Variants in UTS2 observed in about 807,000 individuals in gnomAD.
UTS2 encodes urotensin-2.
In UTS2, 10 loss-of-function variants were observed where a neutral mutation model predicts 12.6. The ratio of observed to expected loss-of-function variants is 0.80; its 90% CI spans 0.49 to 1.35. The LOEUF is 1.35. Among genes scored for constraint, UTS2 ranks in the 40% most tolerant of loss-of-function variants. UTS2 has a pLI of 0.00. For synonymous variants in UTS2, 52 were observed against 50.0 expected, an observed-to-expected ratio of 1.04 and a Z score of -0.17; for missense variants, 142 against 143.2, an observed-to-expected ratio of 0.99 and a Z score of 0.04.
the UTS2 span, among the ~76,000 whole-genome samples, chr1:7,880,968 G>C: frequency 6.6e-6 from 1 of 152,144 alleles, no homozygotes; most frequent in Non-Finnish European, 1.5e-5. Context: ...GTGGGATTTA[G>C]CCCAGGGATT....
chr1:7,852,066 T>G (rs1232712216), intron 1 of UTS2, among the ~76,000 whole-genome samples: 1 of 152,154 alleles, frequency 6.6e-6, no homozygotes, highest in African/African-American at 2.4e-5. Flanking sequence ...CTGATGACAG[T>G]GCTTGACGAT....
In UTS2 at chr1:7,848,684, TAA is replaced by T. The variant is rs374196773; in HGVS notation, c.259-804_259-803del. On this transcript the variant is annotated intron_variant, in intron 3 of 3. Coordinates refer to ENST00000361696, the MANE Select transcript of UTS2 (RefSeq NM_006786.4). ...ACAGGTGCATGCCACCACGCCTGGC[TAA>T]GTTTTGTATTTTTTGTAGAGACGGG... is the stretch of plus-strand genomic sequence containing the variant. 9.4e-4 allele frequency among the ~76,000 whole-genome samples: 143 copies of T among 152,112 alleles called. 1 individual carries two copies. In the East Asian group the frequency reaches 0.025, roughly 26 times the overall value.
the UTS2 span, among the ~76,000 whole-genome samples, chr1:7,872,073 G>A: frequency 2.0e-5 from 3 of 151,946 alleles, no homozygotes; most frequent in Non-Finnish European, 4.4e-5. Context: ...AGGCCGAGGC[G>A]GGTGGATCAT....
At chr1:7,893,269 T>A in the UTS2 span, among the ~76,000 whole-genome samples, 1 of 152,224 alleles carries the variant, frequency 6.6e-6, no homozygotes, top group East Asian at 1.9e-4. Flanking sequence ...TACCAGCACT[T>A]TGAGAGGTAG....
the UTS2 span, among the ~76,000 whole-genome samples, chr1:7,890,360 A>G: frequency 6.6e-6 from 1 of 151,988 alleles, no homozygotes; most frequent in South Asian, 2.1e-4. Flanking sequence ...AGAAGTGCCT[A>G]CCCTCTCCCT....
chr1:7,892,255 G>C, the UTS2 span, among the ~76,000 whole-genome samples: 4 of 152,208 alleles, frequency 2.6e-5, no homozygotes, highest in South Asian at 8.3e-4. Context: ...TGGAGGTCAG[G>C]AGTCTGAAAT....
At chr1:7,909,772 C>A in the UTS2 span, among the ~76,000 whole-genome samples, 2 of 152,064 alleles carry the variant, frequency 1.3e-5, no homozygotes, top group Admixed American at 1.3e-4. Flanking sequence ...AGGCGCCCAC[C>A]ACCACGCCCA....
chr1:7,879,560 G>A, the UTS2 span, among the ~76,000 whole-genome samples: 1 of 152,140 alleles, frequency 6.6e-6, no homozygotes, highest in Non-Finnish European at 1.5e-5. Flanking sequence ...ATCCAATATG[G>A]AGACACCCCA....
At chr1:7,880,991 C>T in the UTS2 span, among the ~76,000 whole-genome samples, 416 of 152,202 alleles carry the variant, frequency 2.7e-3, 11 homozygotes, top group East Asian at 0.045. Context: ...GCAAAGATGG[C>T]GCAACATACA....
At chr1:7,879,717 G>C in the UTS2 span, among the ~76,000 whole-genome samples, 1 of 151,288 alleles carries the variant, frequency 6.6e-6, no homozygotes, top group Admixed American at 6.6e-5. Context: ...CTCCGGCCTG[G>C]ATGATAGAGC....
upstream of UTS2, chr1:7,853,155 A>G (rs1043628233): frequency 5.4e-6 from 8 of 1,481,562 alleles, no homozygotes; most frequent in African/African-American, 1.0e-4. Context: ...TTTATTGGCT[A>G]TGGAGGCTAA....
chr1:7,858,028 G>T (rs1638349897), upstream of UTS2, among the ~76,000 whole-genome samples: 1 of 152,158 alleles, frequency 6.6e-6, no homozygotes, highest in Admixed American at 6.6e-5. Context: ...ATTTCAAAAT[G>T]AGGTGGGAGA....
chr1:7,911,672 GCA>G, the UTS2 span, among the ~76,000 whole-genome samples: 4 of 152,098 alleles, frequency 2.6e-5, no homozygotes, highest in African/African-American at 9.7e-5. Flanking sequence ...GGAGGCCTAG[GCA>G]GTGGATCACC....
chr1:7,859,685 A>C, the UTS2 span, among the ~76,000 whole-genome samples: 3 of 152,166 alleles, frequency 2.0e-5, no homozygotes, highest in African/African-American at 7.2e-5. Flanking sequence ...CATATCGAGG[A>C]ATTCGGGGTT....
the UTS2 span, among the ~76,000 whole-genome samples, chr1:7,895,184 C>T: frequency 6.6e-6 from 1 of 152,062 alleles, no homozygotes; most frequent in Admixed American, 6.6e-5. Context: ...GCTTGGCCAA[C>T]ATGGGGAAAC....
intron 2 of UTS2, 59 bp downstream of exon 2, chr1:7,850,753 A>G: frequency 6.5e-7 from 1 of 1,538,264 alleles, no homozygotes; most frequent in Non-Finnish European, 9.0e-7. Context: ...AGATGAGGAC[A>G]GACGGTAAGT....
chr1:7,875,009 C>T, the UTS2 span, among the ~76,000 whole-genome samples: 2 of 152,040 alleles, frequency 1.3e-5, no homozygotes, highest in African/African-American at 4.8e-5. Flanking sequence ...AATTAAACTT[C>T]TTTCTTTTGT....
At chr1:7,875,545 TTGAACA>T in the UTS2 span, among the ~76,000 whole-genome samples, 1 of 151,930 alleles carries the variant, frequency 6.6e-6, no homozygotes. Flanking sequence ...GGCTGGGAGA[TTGAACA>T]CCCATCACAG....
the UTS2 span, among the ~76,000 whole-genome samples, chr1:7,863,078 G>T: frequency 2.4e-5 from 2 of 83,508 alleles, no homozygotes; most frequent in Non-Finnish European, 5.1e-5. Flanking sequence ...GTATTGTATT[G>T]TATTGTATTG....
Sources: gnomAD v4.1 joint callset for allele counts (sites outside exome capture counted in the v4.1 genomes callset) on GRCh38, gnomAD v4.1.1 for gene constraint, MANE v1.5 for transcripts, NCBI Gene and HGNC (gene_info 2026-07-23, HGNC 2026-07-21) for gene names.